The following METTL6 variants were observed in gnomAD, a reference collection of about 807,000 sequenced individuals.
METTL6 encodes the protein tRNA N(3)-cytidine methyltransferase METTL6.
In METTL6, 22 loss-of-function variants were observed where a neutral mutation model predicts 26.4. The observed-to-expected ratio is 0.83, with a 90% CI of 0.59 to 1.19. METTL6 has a LOEUF of 1.19. METTL6 is among the 50% of genes most tolerant of loss of function. The pLI is 0.00. For missense variants in METTL6, 304 were observed against 324.8 expected (o/e 0.94, Z 0.49); for synonymous variants, 109 against 116.2 (o/e 0.94, Z 0.40).
rs192311450 is a variant in METTL6, at chr3:15,390,078, A to G, written c.*12-5891T>C. On this transcript the variant is annotated intron_variant, in intron 6 of 6. Coordinates refer to the METTL6 transcript ENST00000443029. ...AAGCCAAACACTTGTCAGATAGTGAAAAAAGAAGAGAACAGATTGTAAATT... is the reference window on the plus strand; with the variant it reads ...AAGCCAAACACTTGTCAGATAGTGAGAAAAGAAGAGAACAGATTGTAAATT... 3.3e-5 allele frequency among the ~76,000 whole-genome samples: 5 copies of G among 152,216 alleles called. No individual in the cohort carries two copies. In the East Asian group the frequency reaches 9.7e-4, roughly 29 times the overall value.
chr3:15,398,334 C>A (rs1346078590), intron 6 of METTL6, among the ~76,000 whole-genome samples: 2 of 152,132 alleles, frequency 1.3e-5, no homozygotes, highest in Admixed American at 1.3e-4. Flanking sequence ...GCTGGGATTA[C>A]AGGCGCACAC....
Position 15,390,072 on chromosome 3 carries a change from T to G in METTL6, c.*12-5885A>C, listed in dbSNP as rs9874592. 1.5e-3 allele frequency among the ~76,000 whole-genome samples: 230 copies of G among 151,930 alleles called. 1 individual carries two copies. Among genetic ancestry groups the G allele is most frequent in the African/African-American group, 5.3e-3 (218 of 41,418 alleles). On this transcript the variant is annotated intron_variant, in intron 6 of 6. Coordinates refer to the METTL6 transcript ENST00000443029. ...CCTAGAAAGCCAAACACTTGTCAGA[T>G]AGTGAAAAAAGAAGAGAACAGATTG...
rs111325983 is a variant in METTL6 at position 15,410,985 on chromosome 3, T to C, written c.*271A>G. The C allele has an allele frequency of 4.1e-3, 1,309 of 315,576 alleles. 26 individuals are homozygous for C. The highest frequency in any genetic ancestry group is 0.027 in the African/African-American group (1,230 of 46,228). 19.5% of individuals were successfully genotyped at this position (315,576 alleles called of 1,614,324 possible). ...TTGGCTCACTGCAGTCTCCGCCTCT[T>C]GGGTTCAAGCGATTCTCTTGCCTCA... On this transcript the variant is annotated 3_prime_UTR_variant, in exon 6 of 6. Transcript: ENST00000383790.
At chr3:15,382,386 G>C (rs1036236605) in exon 7 of METTL6, 6 of 152,180 alleles carry the variant, frequency 3.9e-5, no homozygotes, top group African/African-American at 1.4e-4. Context: ...AAAGATGACA[G>C]ACTAGACCAG....
chr3:15,396,704 A>C (rs1699498465), intron 6 of METTL6, among the ~76,000 whole-genome samples: 1 of 152,140 alleles, frequency 6.6e-6, no homozygotes, highest in Non-Finnish European at 1.5e-5. Context: ...TCCTTCTAAC[A>C]GTCAGGACCC....
At chr3:15,396,845 GA>G (rs771251896) in intron 6 of METTL6, among the ~76,000 whole-genome samples, 67 of 152,312 alleles carry the variant, frequency 4.4e-4, no homozygotes, top group Non-Finnish European at 8.7e-4. Flanking sequence ...ATTCCTCTGG[GA>G]GTTTTGTCTC....
chr3:15,411,853 C>G (rs936971008), intron 5 of METTL6, among the ~76,000 whole-genome samples: 5 of 151,892 alleles, frequency 3.3e-5, no homozygotes, highest in Non-Finnish European at 7.4e-5. Context: ...ACCTCCGATT[C>G]CTGGGCTTAA....
chr3:15,420,020 C>T (rs1242532550), intron 3 of METTL6, among the ~76,000 whole-genome samples: 1 of 151,964 alleles, frequency 6.6e-6, no homozygotes, highest in Non-Finnish European at 1.5e-5. Flanking sequence ...CGCCACCATG[C>T]CCGGCTAATT....
chr3:15,416,244 C>T (rs1234624741), intron 3 of METTL6, among the ~76,000 whole-genome samples: 1 of 152,008 alleles, frequency 6.6e-6, no homozygotes, highest in Non-Finnish European at 1.5e-5. Flanking sequence ...CCAAAACTGG[C>T]CTCTGCTTCT....
intron 5 of METTL6, among the ~76,000 whole-genome samples, chr3:15,412,474 A>ATT (rs138709560): frequency 8.6e-5 from 13 of 151,536 alleles, no homozygotes; most frequent in South Asian, 2.1e-4. Context: ...ATAATTTTGC[A>ATT]TTTTGTTTTG....
downstream of METTL6, among the ~76,000 whole-genome samples, chr3:15,407,987 A>C (rs995090964): frequency 1.2e-4 from 19 of 152,156 alleles, no homozygotes; most frequent in African/African-American, 4.6e-4. Context: ...ATTTATCCTT[A>C]AGTGTATAAG....
At position 15,410,825 on chromosome 3, in the gene METTL6, C is replaced by G. The variant is rs1699935189; in HGVS notation, c.*431G>C. ...GGTCGAGGCTACAATGAGCTGTGATCACACACCACTGCACTCCAGCCTGCG... is the reference window on the plus strand; with the variant it reads ...GGTCGAGGCTACAATGAGCTGTGATGACACACCACTGCACTCCAGCCTGCG... On this transcript the variant is annotated 3_prime_UTR_variant, in exon 6 of 6. Transcript: ENST00000383790. Among the ~76,000 whole-genome samples, 1 of 152,136 alleles carries G rather than the reference C, an allele frequency of 6.6e-6. No homozygotes were observed. Among genetic ancestry groups the G allele is most frequent in the Non-Finnish European group, 1.5e-5 (1 of 68,024 alleles).
intron 6 of METTL6, among the ~76,000 whole-genome samples, chr3:15,400,623 A>C (rs888832453): frequency 6.6e-6 from 1 of 152,242 alleles, no homozygotes; most frequent in Non-Finnish European, 1.5e-5. Flanking sequence ...CAAGGATTTT[A>C]GTACACTTAA....
intron 5 of METTL6, among the ~76,000 whole-genome samples, chr3:15,413,414 A>G (rs1700055403): frequency 6.6e-6 from 1 of 152,092 alleles, no homozygotes; most frequent in Admixed American, 6.6e-5. Context: ...CATTCTACCA[A>G]AAATACAAGA....
chr3:15,416,253 CTTTT>C (rs1366424808), intron 3 of METTL6, among the ~76,000 whole-genome samples: 2 of 151,944 alleles, frequency 1.3e-5, no homozygotes, highest in Non-Finnish European at 2.9e-5. Flanking sequence ...GCCTCTGCTT[CTTTT>C]TGTTTTTTAA....
At chr3:15,384,769 A>T (rs1699150122) in intron 6 of METTL6, among the ~76,000 whole-genome samples, 1 of 152,182 alleles carries the variant, frequency 6.6e-6, no homozygotes, top group Admixed American at 6.5e-5. Context: ...GATAGGGTTG[A>T]GTTTTTGAAG....
At chr3:15,406,589 TATA>T (rs1699793508), downstream of METTL6, among the ~76,000 whole-genome samples, 2 of 3,026 alleles carry the variant, frequency 6.6e-4, no homozygotes, top group Admixed American at 4.2e-3. Flanking sequence ...CAAACAGTTA[TATA>T]TATATATATA....
At chr3:15,405,867 G>T (rs1291043850), downstream of METTL6, among the ~76,000 whole-genome samples, 1 of 152,158 alleles carries the variant, frequency 6.6e-6, no homozygotes, top group African/African-American at 2.4e-5. Context: ...TAAGATCTCA[G>T]TCTTAGACAT....
chr3:15,399,994 T>C (rs953198829), intron 6 of METTL6, among the ~76,000 whole-genome samples: 2 of 152,118 alleles, frequency 1.3e-5, no homozygotes, highest in African/African-American at 4.8e-5. Flanking sequence ...AAACAGCAGA[T>C]GCAAGCAGAG....
Sources: allele counts gnomAD v4.1 joint callset (sites outside exome capture counted in the v4.1 genomes callset), GRCh38; gene constraint gnomAD v4.1.1; transcripts MANE v1.5; gene names NCBI Gene and HGNC (gene_info 2026-07-23, HGNC 2026-07-21).